MAPKAPK5: variants seen among roughly 807,000 people sequenced by gnomAD.
MAPKAPK5 encodes MAP kinase-activated protein kinase 5.
Under a neutral mutation model 65.1 loss-of-function variants are expected in MAPKAPK5, and 30 were observed. The observed-to-expected ratio is 0.46, with a 90% CI of 0.34 to 0.63. MAPKAPK5 has a LOEUF of 0.63. MAPKAPK5 is among the 20% of genes least tolerant of loss of function. MAPKAPK5 has a pLI of 0.01. For synonymous variants in MAPKAPK5, 179 were observed against 204.6 expected (o/e 0.87, Z 1.07); for missense variants, 433 against 581.4 (o/e 0.74, Z 2.63).
At chr12:111,846,507 T>A (rs1280986258) in intron 1 of MAPKAPK5, among the ~76,000 whole-genome samples, 1 of 151,762 alleles carries the variant, frequency 6.6e-6, no homozygotes, top group Non-Finnish European at 1.5e-5. Flanking sequence ...TTTCTTTTTT[T>A]TTTTTTTTGA....
intron 1 of MAPKAPK5, among the ~76,000 whole-genome samples, chr12:111,861,806 T>C (rs1236198840): frequency 6.6e-6 from 1 of 152,194 alleles, no homozygotes; most frequent in African/African-American, 2.4e-5. Flanking sequence ...TCTGTTGTTG[T>C]AGTGTGAAAG....
intron 13 of MAPKAPK5, among the ~76,000 whole-genome samples, chr12:111,891,091 T>G (rs1307638994): frequency 1.3e-5 from 2 of 151,930 alleles, no homozygotes; most frequent in African/African-American, 2.4e-5. Flanking sequence ...TGTTGTTGTT[T>G]TTTGTTTTGT....
In MAPKAPK5 at chr12:111,842,452, C is replaced by T. The variant is rs963394573; in HGVS notation, c.-282C>T. 3 of 285,014 alleles carry T rather than the reference C, an allele frequency of 1.1e-5. No individual in the cohort carries two copies. The highest frequency in any genetic ancestry group is 2.0e-5 in the Non-Finnish European group (3 of 153,354). The allele number at this position is 285,014 out of a possible 1,614,324, so 17.7% of individuals were successfully genotyped here. Reference sequence around the variant, plus strand: ...CGCCCTACCCCAGGAGCCTGCCTCCCCAGCTGGGGATGAGGCTAGGAGGCG... The same window carrying T: ...CGCCCTACCCCAGGAGCCTGCCTCCTCAGCTGGGGATGAGGCTAGGAGGCG... On this transcript the variant is annotated 5_prime_UTR_variant, in exon 1 of 14. Transcript: ENST00000550735.
At chr12:111,874,301 A>G (rs1464113069) in intron 7 of MAPKAPK5, among the ~76,000 whole-genome samples, 2 of 151,710 alleles carry the variant, frequency 1.3e-5, no homozygotes, top group Non-Finnish European at 1.5e-5. Context: ...AGGCTGAGGC[A>G]GGAGAATCTC....
In MAPKAPK5 at chr12:111,867,641, G is replaced by A. The variant is rs1458141829; in HGVS notation, c.256G>A (p.Val86Ile). The A allele has an allele frequency of 6.2e-7, 1 of 1,613,910 alleles. No homozygotes were observed. The highest frequency in any genetic ancestry group is 8.5e-7 in the Non-Finnish European group (1 of 1,179,854). Residue 86 changes from valine (V) to isoleucine (I), a missense_variant, in exon 4 of 14, where the codon GTC becomes ATC. Physicochemically the swap from Val to Ile is conservative, Grantham distance 29 (BLOSUM62 3). Coordinates refer to ENST00000550735, the MANE Select transcript of MAPKAPK5 (RefSeq NM_003668.4). Reference sequence around the variant, plus strand: ...GATTATTGAAGTGTTTGCTAACAGTGTCCAGTTTCCCCATGAGTCCAGCCC... The same window carrying A: ...GATTATTGAAGTGTTTGCTAACAGTATCCAGTTTCCCCATGAGTCCAGCCC... ...VQIIEVFANS[V>I]QFPHESSPRA...
At chr12:111,862,971 G>A (rs1039993378) in intron 1 of MAPKAPK5, among the ~76,000 whole-genome samples, 4 of 152,178 alleles carry the variant, frequency 2.6e-5, no homozygotes, top group African/African-American at 9.7e-5. Flanking sequence ...GATAAGTGAA[G>A]GAAGTAGGCA....
At chr12:111,882,397 C>T (rs1364367133) in intron 8 of MAPKAPK5, among the ~76,000 whole-genome samples, 1 of 151,900 alleles carries the variant, frequency 6.6e-6, no homozygotes, top group Non-Finnish European at 1.5e-5. Flanking sequence ...AAAATACAGG[C>T]GAGAGTACCT....
At chr12:111,850,813 C>T (rs1343354349) in intron 1 of MAPKAPK5, among the ~76,000 whole-genome samples, 1 of 152,120 alleles carries the variant, frequency 6.6e-6, no homozygotes, top group Non-Finnish European at 1.5e-5. Flanking sequence ...AAGCTGCTAA[C>T]CTCTGAGCCT....
At chr12:111,860,726 A>G (rs1189540067) in intron 1 of MAPKAPK5, among the ~76,000 whole-genome samples, 1 of 152,134 alleles carries the variant, frequency 6.6e-6, no homozygotes, top group Non-Finnish European at 1.5e-5. Flanking sequence ...GATTTTCAAG[A>G]ATCTGTACTT....
chr12:111,851,655 A>T (rs2069087959), intron 1 of MAPKAPK5, among the ~76,000 whole-genome samples: 1 of 152,168 alleles, frequency 6.6e-6, no homozygotes. Context: ...TACATGGGAT[A>T]CTCTGGAAAA....
intron 1 of MAPKAPK5, among the ~76,000 whole-genome samples, chr12:111,844,830 G>T (rs1312016128): frequency 6.6e-6 from 1 of 152,194 alleles, no homozygotes; most frequent in African/African-American, 2.4e-5. Flanking sequence ...AACAGGCAGT[G>T]GGAATAGCAA....
At chr12:111,854,390 C>T (rs918972930) in intron 1 of MAPKAPK5, among the ~76,000 whole-genome samples, 5 of 152,070 alleles carry the variant, frequency 3.3e-5, no homozygotes, top group African/African-American at 9.6e-5. Context: ...TTGAGGCGTG[C>T]GCCACCACGC....
At chr12:111,876,682 A>G (rs1162642612) in intron 7 of MAPKAPK5, among the ~76,000 whole-genome samples, 1 of 152,098 alleles carries the variant, frequency 6.6e-6, no homozygotes, top group East Asian at 1.9e-4. Context: ...TCAATGACAT[A>G]TATATTAGAC....
At chr12:111,889,189 C>T (rs2070517257) in intron 12 of MAPKAPK5, 189 bp downstream of exon 12, 1 of 528,706 alleles carries the variant, frequency 1.9e-6, no homozygotes, top group Non-Finnish European at 3.1e-6. Flanking sequence ...ACAGTGGGAG[C>T]TTAGAAATGC....
intron 8 of MAPKAPK5, among the ~76,000 whole-genome samples, chr12:111,880,795 G>C (rs186041953): frequency 6.6e-6 from 1 of 152,250 alleles, no homozygotes; most frequent in Admixed American, 6.5e-5. Context: ...TACCCAATTA[G>C]CTTTTGCAGT....
At chr12:111,879,848 G>A (rs1439641312) in intron 7 of MAPKAPK5, 2 of 154,682 alleles carry the variant, frequency 1.3e-5, no homozygotes, top group African/African-American at 2.4e-5. Context: ...CCAGCTTCAT[G>A]GGCACAGGGG....
In MAPKAPK5 at chr12:111,899,191, G is replaced by A. The variant is rs143204430; in HGVS notation, c.*6130G>A. The A allele has an allele frequency of 3.9e-5, 6 of 152,348 alleles. No individual in the cohort carries two copies. The highest frequency in any genetic ancestry group is 1.9e-4 in the East Asian group (1 of 5,176). The allele number at this position is 152,348 out of a possible 1,614,324, so 9.4% of individuals were successfully genotyped here. ...CTGAGTACTAAACACCTGAGCCTCCGAGGGTTTGTGTGCGAGGGAGAGCTC... is the reference window on the plus strand; with the variant it reads ...CTGAGTACTAAACACCTGAGCCTCCAAGGGTTTGTGTGCGAGGGAGAGCTC... On this transcript the variant is annotated 3_prime_UTR_variant, in exon 14 of 14. Coordinates refer to ENST00000550735, the MANE Select transcript of MAPKAPK5 (RefSeq NM_003668.4).
Position 111,883,459 on chromosome 12 carries a change from G to A in MAPKAPK5, c.661-122G>A. On this transcript the variant is annotated intron_variant, in intron 8 of 13. Coordinates refer to ENST00000550735, the MANE Select transcript of MAPKAPK5 (RefSeq NM_003668.4). The surrounding 1 kb of genome is among the most constrained non-coding windows in gnomAD (Gnocchi z 4.8). ...ACTTCCTTCAGCTTTCCTAGTCTCT[G>A]TTAAGTGACTCTAGTTTATATCAGC... The A allele has an allele frequency of 5.3e-6, 4 of 750,286 alleles. No individual in the cohort carries two copies. The highest frequency in any genetic ancestry group is 6.6e-6 in the Non-Finnish European group (3 of 451,742). The allele number at this position is 750,286 out of a possible 1,614,324, so 46.5% of individuals were successfully genotyped here.
chr12:111,845,698 G>A (rs952793300), intron 1 of MAPKAPK5, among the ~76,000 whole-genome samples: 1 of 152,104 alleles, frequency 6.6e-6, no homozygotes, highest in Non-Finnish European at 1.5e-5. Context: ...TAGGCGGGCG[G>A]ATCACCTGAG....
Sources: allele counts gnomAD v4.1 joint callset (sites outside exome capture counted in the v4.1 genomes callset), GRCh38; gene constraint gnomAD v4.1.1; non-coding constraint Gnocchi (gnomAD v3.1); transcripts MANE v1.5; gene names NCBI Gene and HGNC (gene_info 2026-07-23, HGNC 2026-07-21).